SMTN: variants seen among roughly 807,000 people sequenced by gnomAD.
The protein encoded by SMTN is smoothelin.
SMTN carries 58 observed loss-of-function variants against 102.0 expected under a neutral mutation model. The observed-to-expected ratio is 0.57, with a 90% CI of 0.46 to 0.71. The LOEUF (loss-of-function observed/expected upper bound fraction) is 0.71, where lower values mean the gene tolerates loss of function less well. SMTN is among the 30% of genes least tolerant of loss of function. SMTN has a pLI of 0.00. For synonymous variants in SMTN, 478 were observed against 497.9 expected (o/e 0.96, Z 0.53); for missense variants, 1,185 against 1,241.7 (o/e 0.95, Z 0.69).
chr22:31,099,604 G>A (rs930987684), intron 18 of SMTN, 141 bp from the exon 19 acceptor site: 32 of 858,222 alleles, frequency 3.7e-5, no homozygotes, highest in Non-Finnish European at 5.5e-5. Flanking sequence ...GGAGGCTCAT[G>A]TTCCAACTAT....
intron 2 of SMTN, chr22:31,085,336 G>C (rs1569242596): frequency 6.9e-7 from 1 of 1,447,568 alleles, no homozygotes; most frequent in African/African-American, 1.4e-5. Flanking sequence ...GGCGGTCGCA[G>C]AACCTGCGGG....
Position 31,096,784 on chromosome 22 carries a change from CA to C in SMTN, c.1914del (p.Glu640ArgfsTer53). 1 of 1,566,268 alleles carries C rather than the reference CA, an allele frequency of 6.4e-7. No homozygotes were observed. The highest frequency in any genetic ancestry group is 8.6e-7 in the Non-Finnish European group (1 of 1,157,650). Reference protein sequence around the residue: ...ERRLQEARGRPGEGRGNTATE... With the variant: ...ERRLQEARGRXGEGRGNTATE... ...CGGCTGCAGGAGGCACGGGGCCGGC[CA>C]GGGGAGGGGCGCGGCAACACAGCCA... is the stretch of plus-strand genomic sequence containing the variant. On this transcript the variant is annotated frameshift_variant, in exon 14 of 21. Transcript: ENST00000333137. LOFTEE classifies it high-confidence loss of function.
intron 1 of SMTN, among the ~76,000 whole-genome samples, chr22:31,073,438 C>A (rs1405852002): frequency 6.6e-6 from 1 of 152,018 alleles, no homozygotes; most frequent in Non-Finnish European, 1.5e-5. Flanking sequence ...TATACGTGAC[C>A]CCTGCGCAAA....
chr22:31,076,297 T>G (rs2042127462), intron 1 of SMTN, among the ~76,000 whole-genome samples: 1 of 152,202 alleles, frequency 6.6e-6, no homozygotes, highest in South Asian at 2.1e-4. Flanking sequence ...GTGGAAACTC[T>G]GAATTGGACA....
chr22:31,104,118 G>A, intron 20 of SMTN, 198 bp from the exon 21 acceptor site: 1 of 611,910 alleles, frequency 1.6e-6, no homozygotes, highest in East Asian at 2.8e-5. Context: ...GCCTAGCTCT[G>A]CTCCCCCGCC....
At chr22:31,078,434 A>G (rs1362523118), upstream of SMTN, among the ~76,000 whole-genome samples, 1 of 152,190 alleles carries the variant, frequency 6.6e-6, no homozygotes, top group Non-Finnish European at 1.5e-5. Context: ...AACCTAGAGT[A>G]GACCCTTTCT....
At position 31,091,659 on chromosome 22, in the gene SMTN, C is replaced by G; in HGVS notation, c.1460-16C>G. On this transcript the variant is annotated splice_polypyrimidine_tract_variant and intron_variant, in intron 10 of 20. Transcript: ENST00000333137. Reference sequence around the variant, plus strand: ...TCCACCTGATCCTCCTGACAGCCACCTTTCTCCCCACTCAGAACTGACACT... The same window carrying G: ...TCCACCTGATCCTCCTGACAGCCACGTTTCTCCCCACTCAGAACTGACACT... The G allele has an allele frequency of 6.4e-7, 1 of 1,570,266 alleles. No individual in the cohort carries two copies. The highest frequency in any genetic ancestry group is 8.7e-7 in the Non-Finnish European group (1 of 1,152,846).
chr22:31,083,038 C>T, intron 1 of SMTN, 141 bp from the exon 2 acceptor site: 2 of 1,403,692 alleles, frequency 1.4e-6, no homozygotes, highest in Non-Finnish European at 2.0e-6. Flanking sequence ...GGGCAGAGGG[C>T]AGCTTCCAGC....
At chr22:31,081,078 C>G (rs1471813811), upstream of SMTN, among the ~76,000 whole-genome samples, 1 of 152,020 alleles carries the variant, frequency 6.6e-6, no homozygotes, top group African/African-American at 2.4e-5. Context: ...GCAGAGCCTG[C>G]GTCCCCCTGC....
At position 31,073,255 on chromosome 22, in the gene SMTN, A is replaced by C. The variant is rs575280585; in HGVS notation, c.-385-7195A>C. ...CACATACAGACACAGACACACATAC[A>C]CACGCACGCACGCATGCACGCATGC... On this transcript the variant is annotated intron_variant, in intron 1 of 3. Coordinates refer to the SMTN transcript ENST00000422839. 9.9e-5 allele frequency among the ~76,000 whole-genome samples: 15 copies of C among 151,988 alleles called. No homozygotes were observed. The South Asian group carries it at 3.1e-3, about 32-fold the overall frequency.
chr22:31,092,708 TG>T (rs201257144), intron 11 of SMTN, among the ~76,000 whole-genome samples: 3 of 151,824 alleles, frequency 2.0e-5, no homozygotes, highest in East Asian at 1.9e-4. Context: ...TGGGGTGGGG[TG>T]GGGGGACCCG....
At chr22:31,085,009 T>C in intron 2 of SMTN, 5 of 1,492,220 alleles carry the variant, frequency 3.4e-6, no homozygotes, top group Middle Eastern at 2.4e-4. Context: ...GTCTGGCCGA[T>C]TTGGGGACGC....
Position 31,090,194 on chromosome 22 carries a change from C to G in SMTN, c.865+14C>G, listed in dbSNP as rs993648681. 1.3e-6 allele frequency: 2 copies of G among 1,595,484 alleles called. No individual in the cohort carries two copies. Among genetic ancestry groups the G allele is most frequent in the Non-Finnish European group, 8.5e-7 (1 of 1,171,768 alleles). On this transcript the variant is annotated intron_variant, in intron 8 of 20. Coordinates refer to ENST00000333137, the MANE Select transcript of SMTN (RefSeq NM_134269.3). The stretch of plus-strand genomic sequence containing the variant: ...CCAAGAGAGCAGGTGAGGGTCCCAG[C>G]AGGGGTAGTCACAGGCATCTTTCTT...
At position 31,099,195 on chromosome 22, in the gene SMTN, C is replaced by T. The variant is rs1315641549; in HGVS notation, c.2451+16C>T. 2 of 1,588,282 alleles carry T rather than the reference C, an allele frequency of 1.3e-6. No individual in the cohort carries two copies. Among genetic ancestry groups the T allele is most frequent in the Non-Finnish European group, 8.6e-7 (1 of 1,159,504 alleles). On this transcript the variant is annotated intron_variant, in intron 18 of 20. Coordinates refer to ENST00000333137, the MANE Select transcript of SMTN (RefSeq NM_134269.3). ...CGGCTACGAGGTGAGCCCCGGGAGG[C>T]CAGGGGGCCTGGAGGCCTCCCCAGA...
At chr22:31,097,961 C>G (rs902258444) in intron 16 of SMTN, among the ~76,000 whole-genome samples, 1 of 152,174 alleles carries the variant, frequency 6.6e-6, no homozygotes. Context: ...AGAGGCCTAC[C>G]TACCACACTG....
chr22:31,088,265 G>C, intron 3 of SMTN, 152 bp downstream of exon 3: 1 of 990,310 alleles, frequency 1.0e-6, no homozygotes, highest in East Asian at 2.6e-5. Context: ...AAACAGAGAT[G>C]TTTGTGGGCA....
At chr22:31,100,111 C>T (rs1377185472) in intron 19 of SMTN, among the ~76,000 whole-genome samples, 12 of 152,022 alleles carry the variant, frequency 7.9e-5, no homozygotes, top group Admixed American at 3.9e-4. Flanking sequence ...AGCCGCAGGC[C>T]GGCCTACCAG....
At chr22:31,099,723 C>T in intron 18 of SMTN, 22 bp from the exon 19 acceptor site, 1 of 1,610,976 alleles carries the variant, frequency 6.2e-7, no homozygotes, top group Non-Finnish European at 8.5e-7. Flanking sequence ...AGGTTCCTGA[C>T]CAGTCCTCCT....
At chr22:31,083,560 T>G (rs1480684215) in intron 2 of SMTN, 2 of 421,310 alleles carry the variant, frequency 4.7e-6, no homozygotes, top group Non-Finnish European at 8.6e-6. Flanking sequence ...AAACAGTAAC[T>G]GCTGTAGACT....
Sources: allele counts gnomAD v4.1 joint callset (sites outside exome capture counted in the v4.1 genomes callset), GRCh38; gene constraint gnomAD v4.1.1; transcripts MANE v1.5; gene names NCBI Gene and HGNC (gene_info 2026-07-23, HGNC 2026-07-21).